The following EDIL3 variants were observed in gnomAD, a reference collection of about 807,000 sequenced individuals.
The protein encoded by EDIL3 is EGF like and discoidin domains 3, also known as EGF-like repeat and discoidin I-like domain-containing protein 3.
A neutral mutation model predicts 67.4 loss-of-function variants in EDIL3; 37 were observed. That is an observed-to-expected ratio of 0.55 (90% CI 0.42 to 0.72). EDIL3 has a LOEUF of 0.72. Ranked by LOEUF, EDIL3 falls within the 30% of genes least tolerant of loss-of-function variation. The pLI is 0.00. For missense variants in EDIL3, 527 were observed against 586.3 expected (o/e 0.90, Z 1.04); for synonymous variants, 195 against 196.3 (o/e 0.99, Z 0.05).
chr5:84,105,933 CAT>C (rs1282384884), intron 6 of EDIL3, among the ~76,000 whole-genome samples: 1 of 152,058 alleles, frequency 6.6e-6, no homozygotes, highest in East Asian at 1.9e-4. Flanking sequence ...CTTTAGTACA[CAT>C]CAATGACTTG....
intron 10 of EDIL3, among the ~76,000 whole-genome samples, chr5:83,946,075 C>CAGTATTTTT (rs553020463): frequency 6.6e-6 from 1 of 152,032 alleles, no homozygotes; most frequent in South Asian, 2.1e-4. Context: ...AATGCAAACA[C>CAGTATTTTT]AGTATTTTTA....
At chr5:84,067,445 A>G (rs1289423415) in intron 6 of EDIL3, among the ~76,000 whole-genome samples, 1 of 152,196 alleles carries the variant, frequency 6.6e-6, no homozygotes, top group African/African-American at 2.4e-5. Context: ...CATATTGTAA[A>G]CATTAAAATT....
At chr5:84,378,687 G>A (rs1748017963) in intron 1 of EDIL3, among the ~76,000 whole-genome samples, 1 of 152,160 alleles carries the variant, frequency 6.6e-6, no homozygotes, top group Non-Finnish European at 1.5e-5. Flanking sequence ...GTATGTGGAT[G>A]AAGCTTCAAG....
intron 9 of EDIL3, among the ~76,000 whole-genome samples, chr5:84,025,932 G>A (rs1328982057): frequency 6.6e-6 from 1 of 152,116 alleles, no homozygotes; most frequent in African/African-American, 2.4e-5. Flanking sequence ...TTTCTTAAAG[G>A]AATTAATTGG....
At position 84,314,653 on chromosome 5, in the gene EDIL3, T is replaced by C. The variant is rs1746473964; in HGVS notation, c.68-60441A>G. On this transcript the variant is annotated intron_variant, in intron 1 of 10. Coordinates refer to ENST00000296591, the MANE Select transcript of EDIL3 (RefSeq NM_005711.5). ...TTGAAGATAAATTGTCATAATTTAA[T>C]CCTTTCCATTATAGCTCCCCTGTTC... Among the ~76,000 whole-genome samples, 7 of 152,316 alleles carry C rather than the reference T, an allele frequency of 4.6e-5. No individual in the cohort carries two copies. The South Asian group carries it at 1.4e-3, about 32-fold the overall frequency.
intron 6 of EDIL3, among the ~76,000 whole-genome samples, chr5:84,103,468 C>T (rs879909088): frequency 1.3e-5 from 2 of 151,918 alleles, no homozygotes; most frequent in Non-Finnish European, 2.9e-5. Flanking sequence ...TCAAACTATG[C>T]ATCTGATAAA....
chr5:84,017,744 A>C (rs2112187674), intron 9 of EDIL3, among the ~76,000 whole-genome samples: 1 of 152,304 alleles, frequency 6.6e-6, no homozygotes, highest in African/African-American at 2.4e-5. Flanking sequence ...AAGTGAATTC[A>C]TTCTGTTGTT....
intron 9 of EDIL3, among the ~76,000 whole-genome samples, chr5:84,054,073 A>T (rs1380318387): frequency 6.6e-6 from 1 of 152,184 alleles, no homozygotes; most frequent in African/African-American, 2.4e-5. Flanking sequence ...AATACTGGCA[A>T]ACCAAATCCA....
At chr5:83,961,028 T>A (rs1396381771) in intron 10 of EDIL3, among the ~76,000 whole-genome samples, 3 of 150,920 alleles carry the variant, frequency 2.0e-5, no homozygotes, top group African/African-American at 7.3e-5. Context: ...TACTAAAAAA[T>A]CATATGCTAA....
chr5:84,233,757 T>G (rs1319381879), intron 2 of EDIL3, among the ~76,000 whole-genome samples: 1 of 152,166 alleles, frequency 6.6e-6, no homozygotes, highest in East Asian at 1.9e-4. Flanking sequence ...CTCCTCACTC[T>G]TCTCAGAAAG....
intron 9 of EDIL3, among the ~76,000 whole-genome samples, chr5:84,043,131 A>C (rs1016854381): frequency 5.1e-4 from 77 of 152,364 alleles, no homozygotes; most frequent in Non-Finnish European, 9.0e-4. Flanking sequence ...AAACGGGACA[A>C]AATTTTTACA....
chr5:84,073,399 G>A (rs917606144), intron 6 of EDIL3, among the ~76,000 whole-genome samples: 7 of 152,140 alleles, frequency 4.6e-5, no homozygotes, highest in African/African-American at 1.7e-4. Context: ...AAAAGAGGAA[G>A]TCAAATTGTC....
At chr5:84,031,025 G>T (rs1745911163) in intron 9 of EDIL3, among the ~76,000 whole-genome samples, 2 of 152,106 alleles carry the variant, frequency 1.3e-5, no homozygotes, top group South Asian at 4.1e-4. Context: ...GCTTGTGAAT[G>T]GCCATCTTCT....
chr5:84,329,054 C>T (rs967993876), intron 1 of EDIL3, among the ~76,000 whole-genome samples: 1 of 152,052 alleles, frequency 6.6e-6, no homozygotes, highest in African/African-American at 2.4e-5. Flanking sequence ...GGCAAAGTAT[C>T]CCCATTTTAT....
chr5:84,034,764 AG>A (rs1227321873), intron 9 of EDIL3, among the ~76,000 whole-genome samples: 1 of 152,164 alleles, frequency 6.6e-6, no homozygotes, highest in African/African-American at 2.4e-5. Context: ...CCAGCTAATA[AG>A]GATAGTAAAA....
intron 9 of EDIL3, among the ~76,000 whole-genome samples, chr5:84,058,318 G>A (rs16900861): frequency 0.056 from 8,504 of 151,902 alleles, 804 homozygotes; most frequent in African/African-American, 0.19. Flanking sequence ...TTAAACAGGA[G>A]AGTAAGAGAA....
At chr5:84,196,752 C>G (rs2112373602) in intron 3 of EDIL3, 1 of 152,096 alleles carries the variant, frequency 6.6e-6, no homozygotes, top group East Asian at 1.9e-4. Flanking sequence ...TCCAGATCAG[C>G]AGTTAGCCAT....
intron 6 of EDIL3, among the ~76,000 whole-genome samples, chr5:84,094,718 T>C (rs1397060005): frequency 6.6e-6 from 1 of 152,204 alleles, no homozygotes; most frequent in African/African-American, 2.4e-5. Flanking sequence ...TGTGTGAAAT[T>C]TGTACTACAG....
At chr5:84,220,318 A>T (rs145135854) in intron 3 of EDIL3, among the ~76,000 whole-genome samples, 482 of 152,284 alleles carry the variant, frequency 3.2e-3, no homozygotes, top group Non-Finnish European at 4.5e-3. Flanking sequence ...AGTTTTGACA[A>T]ACTTGAAAAT....
Sources: allele counts gnomAD v4.1 joint callset (sites outside exome capture counted in the v4.1 genomes callset), GRCh38; gene constraint gnomAD v4.1.1; transcripts MANE v1.5; gene names NCBI Gene and HGNC (gene_info 2026-07-23, HGNC 2026-07-21).